ASTN1: variants seen among roughly 807,000 people sequenced by gnomAD.
The protein encoded by ASTN1 is astrotactin-1.
ASTN1 carries 41 observed loss-of-function variants against 140.7 expected under a neutral mutation model. The observed-to-expected ratio is 0.29, with a 90% CI of 0.23 to 0.38. ASTN1 has a LOEUF of 0.38. Among genes scored for constraint, ASTN1 ranks in the 10% least tolerant of loss-of-function variants. The pLI is 1.00. For missense variants in ASTN1, 1,479 were observed against 1,678.8 expected, an observed-to-expected ratio of 0.88 and a Z score of 2.08; for synonymous variants, 640 against 652.2, an observed-to-expected ratio of 0.98 and a Z score of 0.29.
At chr1:177,112,742 G>C (rs954518332) in intron 1 of ASTN1, among the ~76,000 whole-genome samples, 3 of 152,206 alleles carry the variant, frequency 2.0e-5, no homozygotes, top group African/African-American at 7.2e-5. Flanking sequence ...TAAGATGGCT[G>C]AGTTACCTTT....
chr1:177,029,843 A>G, intron 4 of ASTN1, 102 bp from the exon 5 acceptor site: 1 of 1,105,186 alleles, frequency 9.0e-7, no homozygotes, highest in South Asian at 1.5e-5. Context: ...AAATGAAAGT[A>G]AGCTGACTGA....
intron 8 of ASTN1, among the ~76,000 whole-genome samples, chr1:176,971,483 GT>G (rs1673138363): frequency 6.6e-6 from 1 of 152,148 alleles, no homozygotes; most frequent in African/African-American, 2.4e-5. Flanking sequence ...CTTTGCAGAT[GT>G]TGTTTCTCTA....
chr1:177,158,721 T>A (rs1683353656), intron 1 of ASTN1, among the ~76,000 whole-genome samples: 1 of 151,662 alleles, frequency 6.6e-6, no homozygotes. Flanking sequence ...ATATAGTGTG[T>A]CTATAAGACA....
chr1:177,047,236 C>T (rs1677281040), intron 2 of ASTN1, among the ~76,000 whole-genome samples: 1 of 152,116 alleles, frequency 6.6e-6, no homozygotes, highest in Non-Finnish European at 1.5e-5. Context: ...TGGGGCAAAA[C>T]TGAATTTTAA....
chr1:176,943,771 G>C (rs2103107296), intron 14 of ASTN1, 120 bp downstream of exon 14: 1 of 1,264,716 alleles, frequency 7.9e-7, no homozygotes, highest in Admixed American at 3.2e-5. Context: ...AGCTTTTATT[G>C]TGTATGAAGG....
In ASTN1 at chr1:177,164,431, G is replaced by A. The variant is rs1396457930; in HGVS notation, c.246C>T (p.Asp82=). 6 of 1,612,838 alleles carry A rather than the reference G, an allele frequency of 3.7e-6. No homozygotes were observed. The South Asian group carries it at 5.5e-5, about 15-fold the overall frequency. ...AGGGCAGCTCCGTGTTCTCCAGGTC[G>A]TCCACCACGACCATTTCTCCCGGGA... is the stretch of plus-strand genomic sequence containing the variant. The part of the protein sequence containing the change: ...NDFPGEMVVV[D]DLENTELPYF... Residue 82 remains aspartate, a synonymous_variant, in exon 1 of 23, where the codon GAC becomes GAT. Coordinates refer to ENST00000361833, the MANE Select transcript of ASTN1 (RefSeq NM_004319.3).
intron 1 of ASTN1, among the ~76,000 whole-genome samples, chr1:177,096,588 A>T (rs1201179687): frequency 6.6e-6 from 1 of 152,054 alleles, no homozygotes; most frequent in Admixed American, 6.5e-5. Context: ...ATCCAGTGGG[A>T]GGCAATTTTA....
intron 1 of ASTN1, among the ~76,000 whole-genome samples, chr1:177,104,230 C>T (rs944882224): frequency 5.3e-5 from 8 of 152,122 alleles, no homozygotes; most frequent in Admixed American, 4.6e-4. Flanking sequence ...TTACAGCCCC[C>T]TTGAAAGCTT....
chr1:177,073,144 A>G (rs1678725430), intron 1 of ASTN1, among the ~76,000 whole-genome samples: 1 of 151,976 alleles, frequency 6.6e-6, no homozygotes, highest in Admixed American at 6.5e-5. Flanking sequence ...TTCTCCATCT[A>G]CTCCTCATTC....
intron 6 of ASTN1, 37 bp from the exon 7 acceptor site, chr1:177,023,608 C>T (rs1377449299): frequency 6.6e-7 from 1 of 1,512,230 alleles, no homozygotes; most frequent in Non-Finnish European, 8.8e-7. Context: ...CCTATATGTG[C>T]AACACAGCAC....
chr1:176,932,189 G>A (rs1671235041), intron 16 of ASTN1, among the ~76,000 whole-genome samples: 1 of 152,174 alleles, frequency 6.6e-6, no homozygotes, highest in Non-Finnish European at 1.5e-5. Flanking sequence ...TTTACTAGAA[G>A]GGTTTTCAAG....
intron 5 of ASTN1, chr1:177,029,277 T>C (rs750874412): frequency 5.7e-4 from 278 of 484,842 alleles, no homozygotes; most frequent in Non-Finnish European, 9.1e-4. Context: ...GTACATATAG[T>C]ATCCATCTTT....
intron 16 of ASTN1, among the ~76,000 whole-genome samples, chr1:176,900,830 C>T (rs1404636644): frequency 3.9e-5 from 6 of 152,214 alleles, no homozygotes; most frequent in Admixed American, 2.6e-4. Context: ...TGTTCACTTA[C>T]CTGCCCTGCT....
At chr1:177,068,638 C>T (rs1025426378) in intron 1 of ASTN1, among the ~76,000 whole-genome samples, 3 of 152,100 alleles carry the variant, frequency 2.0e-5, no homozygotes, top group Non-Finnish European at 2.9e-5. Flanking sequence ...TAGGAATTGT[C>T]CAGCTCTAAC....
At chr1:176,893,956 G>A (rs781609777) in intron 17 of ASTN1, among the ~76,000 whole-genome samples, 1 of 152,194 alleles carries the variant, frequency 6.6e-6, no homozygotes, top group Non-Finnish European at 1.5e-5. Flanking sequence ...AGAGGCAGAG[G>A]CAAAGGAGGA....
intron 6 of ASTN1, 81 bp downstream of exon 6, chr1:177,024,502 C>A: frequency 6.6e-7 from 1 of 1,524,820 alleles, no homozygotes; most frequent in Non-Finnish European, 9.0e-7. Flanking sequence ...AACAGTGACT[C>A]CTGTCTTCTC....
chr1:176,957,403 A>G (rs1326887295), intron 11 of ASTN1, among the ~76,000 whole-genome samples: 1 of 152,144 alleles, frequency 6.6e-6, no homozygotes, highest in Non-Finnish European at 1.5e-5. Context: ...TTTAGAATCA[A>G]TGTCATACAA....
At chr1:177,038,505 G>T (rs1676831109) in intron 2 of ASTN1, among the ~76,000 whole-genome samples, 1 of 151,868 alleles carries the variant, frequency 6.6e-6, no homozygotes, top group Non-Finnish European at 1.5e-5. Flanking sequence ...AGGGAAGGAG[G>T]GAAGCAAAGA....
intron 12 of ASTN1, among the ~76,000 whole-genome samples, chr1:176,948,568 T>C (rs901540332): frequency 2.0e-5 from 3 of 152,158 alleles, no homozygotes; most frequent in Admixed American, 6.5e-5. Context: ...TTTCCATCTG[T>C]AAAATGGGTT....
Sources: allele counts gnomAD v4.1 joint callset (sites outside exome capture counted in the v4.1 genomes callset), GRCh38; gene constraint gnomAD v4.1.1; transcripts MANE v1.5; gene names NCBI Gene and HGNC (gene_info 2026-07-23, HGNC 2026-07-21).